The following COL2A1 variants were observed in gnomAD, a reference collection of about 807,000 sequenced individuals.
The protein encoded by COL2A1 is collagen type II alpha 1 chain, also known as collagen alpha-1(II) chain.
Under a neutral mutation model 204.5 loss-of-function variants are expected in COL2A1, and 28 were observed. That is an observed-to-expected ratio of 0.14 (90% CI 0.10 to 0.19). COL2A1 has a LOEUF of 0.19. Among genes scored for constraint, COL2A1 ranks in the 10% least tolerant of loss-of-function variants. COL2A1 has a pLI of 1.00. For missense variants in COL2A1, 1,388 were observed against 2,027.5 expected (o/e 0.68, Z 6.06); for synonymous variants, 708 against 718.7 (o/e 0.99, Z 0.24).
In COL2A1 at chr12:47,973,289, A is replaced by C. The variant is rs1334542234; in HGVS notation, c.*118T>G. ...AAAGTCCGAACTGTGAGAGGGTGGGATGAATGGACATCAGGTCAGGTCAGC... is the reference window on the plus strand; with the variant it reads ...AAAGTCCGAACTGTGAGAGGGTGGGCTGAATGGACATCAGGTCAGGTCAGC... On this transcript the variant is annotated 3_prime_UTR_variant, in exon 54 of 54. Transcript: ENST00000380518. The C allele has an allele frequency of 1.7e-5, 22 of 1,325,212 alleles. No homozygotes were observed. Among genetic ancestry groups the C allele is most frequent in the Non-Finnish European group, 2.3e-5 (21 of 916,612 alleles). The allele number at this position is 1,325,212 out of a possible 1,614,324, so 82.1% of individuals were successfully genotyped here. A position where few individuals can be genotyped will look rare whatever the true frequency, so the allele number is the denominator to read the frequency against.
At position 47,986,399 on chromosome 12, in the gene COL2A1, T is replaced by G. The variant is rs754092365; in HGVS notation, c.1464A>C (p.Glu488Asp). 6.4e-7 allele frequency: 1 copy of G among 1,567,564 alleles called. No homozygotes were observed. The highest frequency in any genetic ancestry group is 1.2e-5 in the South Asian group (1 of 85,262). ...GCTCTCCACGGGCACCTCTCTTGCC[T>G]TCTTCACCAGCGGGTCCAGGGGCTC... ...PQGAPGPAGE[E>D]GKRGARGEPG... The change falls in exon 23 of 54, where the codon GAA becomes GAC. Residue 488 changes from glutamate to aspartate, a missense_variant. Around this residue, in one of 3 missense-constraint regions of COL2A1, gnomAD observed 884 missense variants for 1,415.8 expected, o/e 0.62. Coordinates refer to ENST00000380518, the MANE Select transcript of COL2A1 (RefSeq NM_001844.5).
Position 47,994,064 on chromosome 12 carries a change from A to T in COL2A1, c.817-17T>A. 1 of 1,613,902 alleles carries T rather than the reference A, an allele frequency of 6.2e-7. No individual in the cohort carries two copies. Among genetic ancestry groups the T allele is most frequent in the Non-Finnish European group, 8.5e-7 (1 of 1,179,980 alleles). On this transcript the variant is annotated splice_polypyrimidine_tract_variant and intron_variant, in intron 12 of 53. Coordinates refer to ENST00000380518, the MANE Select transcript of COL2A1 (RefSeq NM_001844.5). Reference sequence around the variant, plus strand: ...ACGAGCACCCTGCAATCCAAAGTGGAGGTGTTCAGAGCACAGAGTAAAATA... The same window carrying T: ...ACGAGCACCCTGCAATCCAAAGTGGTGGTGTTCAGAGCACAGAGTAAAATA...
Position 47,980,033 on chromosome 12 carries a change from T to A in COL2A1, c.2655A>T (p.Gly885=), listed in dbSNP as rs775834995. The A allele has an allele frequency of 2.1e-5, 33 of 1,555,350 alleles. No homozygotes were observed. Among genetic ancestry groups the A allele is most frequent in the Non-Finnish European group, 2.5e-5 (29 of 1,149,542 alleles). The change falls in exon 40 of 54, where the codon GGA becomes GGT. Residue 885 remains glycine, a synonymous_variant. Transcript: ENST00000380518. This position sits in a 1 kb window ranked among gnomAD's most constrained non-coding sequence, Gnocchi z 4.5. ...QGPTGVTGPK[G]ARGAQGPPGA... Reference sequence around the variant, plus strand: ...CCGGGGGGCCTTGGGCACCTCGGGCTCCTTTAGGACCAGTCACTCCAGTAG... The same window carrying A: ...CCGGGGGGCCTTGGGCACCTCGGGCACCTTTAGGACCAGTCACTCCAGTAG...
chr12:47,985,232 C>T, intron 26 of COL2A1, 139 bp from the exon 27 acceptor site: 1 of 751,588 alleles, frequency 1.3e-6, no homozygotes, highest in South Asian at 1.5e-5. Context: ...GACCACATCA[C>T]ACCCATGGGC....
chr12:47,977,588 C>T lies in COL2A1; in HGVS notation c.3165+12G>A. ...CCCCAACCCACTGCACACACAGACA[C>T]CAGACACTCACCTTGACTCCAGCAG... On this transcript the variant is annotated intron_variant, in intron 45 of 53. Coordinates refer to ENST00000380518, the MANE Select transcript of COL2A1 (RefSeq NM_001844.5). 3 of 1,614,042 alleles carry T rather than the reference C, an allele frequency of 1.9e-6. No homozygotes were observed. Among genetic ancestry groups the T allele is most frequent in the Non-Finnish European group, 2.5e-6 (3 of 1,179,974 alleles).
chr12:47,975,437 C>G lies in COL2A1; in HGVS notation c.3766G>C (p.Asp1256His). Residue 1256 changes from aspartate (D) to histidine (H), a missense_variant, in exon 51 of 54, where the codon GAT becomes CAT. By Grantham distance (81) the Asp-to-His change is moderately conservative. This residue lies in a region of COL2A1 where 303 missense variants were observed against 369.2 expected (regional missense o/e 0.82). Transcript: ENST00000380518. ...GGLRQHDAEV[D>H]ATLKSLNNQI... ...TTGTTGAGGGACTTGAGTGTGGCAT[C>G]CACCTCGGCGTCATGCTGTCTCAGG... 6.2e-7 allele frequency: 1 copy of G among 1,614,162 alleles called. No individual in the cohort carries two copies. Among genetic ancestry groups the G allele is most frequent in the Non-Finnish European group, 8.5e-7 (1 of 1,180,028 alleles).
chr12:47,999,634 ATTTT>A (rs10708850), intron 2 of COL2A1: 1,768 of 156,008 alleles, frequency 0.011, 5 homozygotes, highest in Non-Finnish European at 0.016. Flanking sequence ...TTCAGAGAGG[ATTTT>A]TTTTTTTTTT....
At chr12:47,986,046 C>A (rs1592218132) in intron 23 of COL2A1, 81 bp from the exon 24 acceptor site, 4 of 1,316,784 alleles carry the variant, frequency 3.0e-6, no homozygotes, top group Non-Finnish European at 4.3e-6. Flanking sequence ...TCCCACTAAC[C>A]CACCAACCCC....
intron 7 of COL2A1, among the ~76,000 whole-genome samples, 156 bp from the exon 8 acceptor site, chr12:47,996,781 GA>G (rs1403134001): frequency 6.6e-6 from 1 of 152,224 alleles, no homozygotes. Flanking sequence ...CTGATGCCTG[GA>G]AAGTAATTTT....
intron 53 of COL2A1, 102 bp from the exon 54 acceptor site, chr12:47,973,655 C>G (rs1938546912): frequency 7.0e-7 from 1 of 1,426,242 alleles, no homozygotes; most frequent in African/African-American, 1.4e-5. Flanking sequence ...AGCATCAGAG[C>G]CCACAAGGTT....
chr12:47,996,186 G>T (rs1380492392), intron 8 of COL2A1, among the ~76,000 whole-genome samples: 1 of 152,238 alleles, frequency 6.6e-6, no homozygotes. Flanking sequence ...TTTAGCATGT[G>T]CCAAGTCAGA....
Position 47,987,096 on chromosome 12 carries a change from C to T in COL2A1, c.1347G>A (p.Leu449=), listed in dbSNP as rs1939461990. 1 of 1,614,116 alleles carries T rather than the reference C, an allele frequency of 6.2e-7. No homozygotes were observed. Among genetic ancestry groups the T allele is most frequent in the South Asian group, 1.1e-5 (1 of 91,078 alleles). Residue 449 remains leucine (L), a synonymous_variant, in exon 21 of 54, where the codon CTG becomes CTA. Coordinates refer to ENST00000380518, the MANE Select transcript of COL2A1 (RefSeq NM_001844.5). The surrounding 1 kb of genome is among the most constrained non-coding windows in gnomAD (Gnocchi z 4.1). ...PPGPQGATGP[L]GPKGQTGEPG... ...CTCTTACCGTCTGACCTTTCGGGCC[C>T]AGAGGACCAGTTGCACCTTGAGGGC...
intron 2 of COL2A1, among the ~76,000 whole-genome samples, chr12:47,999,107 G>A (rs1036339647): frequency 4.6e-5 from 7 of 152,138 alleles, no homozygotes; most frequent in Non-Finnish European, 7.3e-5. Flanking sequence ...CCCTTGCCAC[G>A]GCCTTCTCTA....
intron 1 of COL2A1, 100 bp from the exon 2 acceptor site, chr12:48,000,225 T>A: frequency 1.2e-6 from 1 of 833,678 alleles, no homozygotes; most frequent in Non-Finnish European, 2.0e-6. Flanking sequence ...TTGACAGAAT[T>A]CAAATGCTGA....
In COL2A1 at chr12:47,978,998, C is replaced by T. The variant is rs1410224623; in HGVS notation, c.2734-240G>A. The stretch of plus-strand genomic sequence containing the variant: ...CAGCTCCTGCTTGCTTTGCTTTCTC[C>T]CATCTACCTGGAATCTCTCCTCCCT... On this transcript the variant is annotated intron_variant, in intron 41 of 53. Transcript: ENST00000380518. The surrounding 1 kb of genome is among the most constrained non-coding windows in gnomAD (Gnocchi z 5.5). Among the ~76,000 whole-genome samples, 1 of 151,898 alleles carries T rather than the reference C, an allele frequency of 6.6e-6. No individual in the cohort carries two copies. Among genetic ancestry groups the T allele is most frequent in the African/African-American group, 2.4e-5 (1 of 41,310 alleles).
In COL2A1 at chr12:47,974,045, C is replaced by A. The variant is rs549717580; in HGVS notation, c.4317+44G>T. On this transcript the variant is annotated intron_variant, in intron 53 of 53. Coordinates refer to ENST00000380518, the MANE Select transcript of COL2A1 (RefSeq NM_001844.5). ...GGCCAACCCTCAGCCCTGCTCCAGGCGGTTTGGGCACAGGCAGCTCTTCTC... is the reference window on the plus strand; with the variant it reads ...GGCCAACCCTCAGCCCTGCTCCAGGAGGTTTGGGCACAGGCAGCTCTTCTC... 3.1e-6 allele frequency: 5 copies of A among 1,613,912 alleles called. No homozygotes were observed. In the East Asian group the frequency reaches 8.9e-5, roughly 29 times the overall value.
chr12:47,980,438 A>G lies in COL2A1; in HGVS notation c.2625+116T>C, dbSNP rs2136536668. 4 of 936,396 alleles carry G rather than the reference A, an allele frequency of 4.3e-6. No homozygotes were observed. The South Asian group carries it at 5.6e-5, about 13-fold the overall frequency. The allele number at this position is 936,396 out of a possible 1,614,324, so 58.0% of individuals were successfully genotyped here. A position where few individuals can be genotyped will look rare whatever the true frequency, so the allele number is the denominator to read the frequency against. On this transcript the variant is annotated intron_variant, in intron 39 of 53. Coordinates refer to ENST00000380518, the MANE Select transcript of COL2A1 (RefSeq NM_001844.5). The surrounding 1 kb of genome is among the most constrained non-coding windows in gnomAD (Gnocchi z 4.5). The stretch of plus-strand genomic sequence containing the variant: ...CCACATGGAAGCTCCTTCTACCAAC[A>G]TGGGGGTGTTCCCAGGCCTGCGAAC...
intron 16 of COL2A1, among the ~76,000 whole-genome samples, chr12:47,992,618 G>C (rs985982085): frequency 6.6e-6 from 1 of 152,154 alleles, no homozygotes; most frequent in East Asian, 1.9e-4. Flanking sequence ...GTGGGTGGTG[G>C]TTGTTGAAGG....
chr12:47,986,483 C>T (rs755943867), intron 22 of COL2A1, 40 bp from the exon 23 acceptor site: 1 of 1,355,730 alleles, frequency 7.4e-7, no homozygotes, highest in Admixed American at 2.0e-5. Flanking sequence ...TGAGCCTTCA[C>T]CTGGCCTTGG....
Sources: allele counts gnomAD v4.1 joint callset (sites outside exome capture counted in the v4.1 genomes callset), GRCh38; gene constraint gnomAD v4.1.1; regional missense constraint gnomAD v4.1.1; non-coding constraint Gnocchi (gnomAD v3.1); transcripts MANE v1.5; gene names NCBI Gene and HGNC (gene_info 2026-07-23, HGNC 2026-07-21).